The following KLF7 variants were observed in gnomAD, a reference collection of about 807,000 sequenced individuals.
The protein encoded by KLF7 is Krueppel-like factor 7.
A neutral mutation model predicts 27.3 loss-of-function variants in KLF7; 2 were observed. That is an observed-to-expected ratio of 0.07 (90% CI 0.03 to 0.23). The LOEUF (loss-of-function observed/expected upper bound fraction) is 0.23, where lower values mean the gene tolerates loss of function less well. Ranked by LOEUF, KLF7 falls within the 10% of genes least tolerant of loss-of-function variation. KLF7 has a pLI of 1.00. For synonymous variants in KLF7, 165 were observed against 162.4 expected (o/e 1.02, Z -0.12); for missense variants, 221 against 394.1 (o/e 0.56, Z 3.72).
intron 1 of KLF7, among the ~76,000 whole-genome samples, chr2:207,148,670 C>T (rs1393561699): frequency 6.6e-6 from 1 of 152,026 alleles, no homozygotes; most frequent in African/African-American, 2.4e-5. Context: ...AAAGATCTGG[C>T]GACAGGTTCT....
intron 2 of KLF7, among the ~76,000 whole-genome samples, chr2:207,116,142 C>T (rs1448679749): frequency 2.0e-5 from 3 of 152,216 alleles, no homozygotes; most frequent in South Asian, 2.1e-4. Context: ...GTACCGGAGT[C>T]GTGCAGCAGA....
In KLF7 at chr2:207,079,016, G is replaced by A. The variant is rs1431805292; in HGVS notation, c.*2197C>T. On this transcript the variant is annotated 3_prime_UTR_variant, in exon 4 of 4. Coordinates refer to ENST00000309446, the MANE Select transcript of KLF7 (RefSeq NM_003709.4). ...GGACAGATTTTGTGTGTGTGTGCGC[G>A]TGTGTGTTAACGGGTGTTCTTTCTT... 1 of 151,796 alleles carries A rather than the reference G, an allele frequency of 6.6e-6. No homozygotes were observed. Among genetic ancestry groups the A allele is most frequent in the Admixed American group, 6.6e-5 (1 of 15,226 alleles). 9.4% of individuals were successfully genotyped at this position (151,796 alleles called of 1,614,324 possible). A position where few individuals can be genotyped will look rare whatever the true frequency, so the allele number is the denominator to read the frequency against.
intron 1 of KLF7, among the ~76,000 whole-genome samples, chr2:207,154,335 GA>G (rs2078323718): frequency 6.6e-6 from 1 of 152,086 alleles, no homozygotes; most frequent in African/African-American, 2.4e-5. Flanking sequence ...AAAAACATAA[GA>G]TACGTAAGTC....
intron 2 of KLF7, among the ~76,000 whole-genome samples, chr2:207,108,233 A>G (rs2105927387): frequency 6.6e-6 from 1 of 152,368 alleles, no homozygotes; most frequent in Non-Finnish European, 1.5e-5. Context: ...ACATCTAACC[A>G]TGAGAGGGGG....
intron 3 of KLF7, among the ~76,000 whole-genome samples, chr2:207,085,142 A>G (rs1251447233): frequency 6.8e-6 from 1 of 147,676 alleles, no homozygotes; most frequent in Non-Finnish European, 1.5e-5. Context: ...AGCCTGGGCA[A>G]CAAAGCCAGA....
At position 207,078,440 on chromosome 2, in the gene KLF7, A is replaced by G. The variant is rs1310874742; in HGVS notation, c.*2773T>C. ...GACCACAGATGAAAATAGGGAGCAA[A>G]CAAGCAATGATTACTCTTTTGCATT... is the stretch of plus-strand genomic sequence containing the variant. On this transcript the variant is annotated 3_prime_UTR_variant, in exon 4 of 4. Transcript: ENST00000309446. The G allele has an allele frequency of 6.6e-6, 1 of 152,274 alleles. No homozygotes were observed. Among genetic ancestry groups the G allele is most frequent in the African/African-American group, 2.4e-5 (1 of 41,474 alleles). 9.4% of individuals were successfully genotyped at this position (152,274 alleles called of 1,614,324 possible).
intron 2 of KLF7, among the ~76,000 whole-genome samples, chr2:207,099,550 C>CTATATATATATATATA (rs1359258095): frequency 1.1e-3 from 24 of 22,846 alleles, no homozygotes; most frequent in Non-Finnish European, 1.8e-3. Flanking sequence ...GCTACATATG[C>CTATATATATATATATA]GATATATATA....
intron 2 of KLF7, among the ~76,000 whole-genome samples, chr2:207,109,536 C>T (rs1333132134): frequency 6.6e-6 from 1 of 152,100 alleles, no homozygotes; most frequent in African/African-American, 2.4e-5. Flanking sequence ...CTTACCTCAT[C>T]GGTAAGTGAA....
At chr2:207,095,028 A>ATTC (rs2076593457) in intron 2 of KLF7, among the ~76,000 whole-genome samples, 1 of 73,468 alleles carries the variant, frequency 1.4e-5, no homozygotes, top group Non-Finnish European at 3.0e-5. Context: ...ATTTGTTTTT[A>ATTC]TTCTTTTTTT....
chr2:207,163,976 G>A (rs1057439481), intron 1 of KLF7, among the ~76,000 whole-genome samples: 3 of 152,250 alleles, frequency 2.0e-5, no homozygotes, highest in Non-Finnish European at 4.4e-5. Flanking sequence ...CTGTGTATGT[G>A]TTTACAGAGA....
intron 3 of KLF7, among the ~76,000 whole-genome samples, chr2:207,081,662 G>T (rs897155483): frequency 3.9e-5 from 6 of 152,106 alleles, no homozygotes; most frequent in Non-Finnish European, 8.8e-5. Flanking sequence ...AGAAGAATGG[G>T]AAAGTGCTTT....
intron 1 of KLF7, among the ~76,000 whole-genome samples, chr2:207,142,007 A>C (rs1443030865): frequency 6.6e-6 from 1 of 152,002 alleles, no homozygotes; most frequent in Non-Finnish European, 1.5e-5. Flanking sequence ...TGCTCTCAAT[A>C]AGAATCTTGT....
rs540071413 is a variant in KLF7 at position 207,165,818 on chromosome 2, G to A, written c.-250C>T. On this transcript the variant is annotated 5_prime_UTR_variant, in exon 1 of 4. Coordinates refer to ENST00000309446, the MANE Select transcript of KLF7 (RefSeq NM_003709.4). The stretch of plus-strand genomic sequence containing the variant: ...TCCAGCGTGTACAGTGCAGACGACT[G>A]CCAGGAAAAGGGGACTTCTCCACGG... 1.0e-3 allele frequency: 1,372 copies of A among 1,336,946 alleles called. No individual in the cohort carries two copies. Among genetic ancestry groups the A allele is most frequent in the Non-Finnish European group, 1.2e-3 (1,285 of 1,041,494 alleles). The allele number at this position is 1,336,946 out of a possible 1,614,324, so 82.8% of individuals were successfully genotyped here.
intron 1 of KLF7, among the ~76,000 whole-genome samples, chr2:207,147,136 C>T (rs1214212826): frequency 6.6e-6 from 1 of 152,112 alleles, no homozygotes. Flanking sequence ...AAATTTGTTG[C>T]TCCCATTAAA....
intron 2 of KLF7, among the ~76,000 whole-genome samples, chr2:207,119,403 T>C (rs1460489022): frequency 7.5e-6 from 1 of 134,134 alleles, no homozygotes; most frequent in African/African-American, 2.8e-5. Context: ...TCCTTCTTTT[T>C]TTACATAGAA....
upstream of KLF7, among the ~76,000 whole-genome samples, chr2:207,170,900 T>C (rs2078780082): frequency 1.3e-5 from 2 of 151,986 alleles, no homozygotes; most frequent in African/African-American, 4.8e-5. Flanking sequence ...CAACATCCAT[T>C]ATGCAGCCTG....
chr2:207,126,027 G>C (rs2105995655), intron 1 of KLF7, among the ~76,000 whole-genome samples: 1 of 152,264 alleles, frequency 6.6e-6, no homozygotes, highest in East Asian at 1.9e-4. Context: ...TAGTGAAAAA[G>C]TAAGTTTTGA....
At chr2:207,167,988 C>T (rs1227251490), upstream of KLF7, among the ~76,000 whole-genome samples, 3 of 152,056 alleles carry the variant, frequency 2.0e-5, no homozygotes, top group Non-Finnish European at 2.9e-5. Context: ...AGGTAGAAAC[C>T]CCTTGCTAGT....
rs1156772616 is a variant in KLF7 at position 207,100,690 on chromosome 2, TCTC to T, written c.734-12112_734-12110del. ...ACATGTCACCCCATCCGCAAGGATT[TCTC>T]CTCCTCAGAAAACTATACCCTTATC... On this transcript the variant is annotated intron_variant, in intron 2 of 3. Transcript: ENST00000309446. Among the ~76,000 whole-genome samples the T allele has an allele frequency of 2.6e-5, 4 of 152,350 alleles. No homozygotes were observed. The East Asian group carries it at 7.7e-4, about 29-fold the overall frequency.
Sources: gnomAD v4.1 joint callset for allele counts (sites outside exome capture counted in the v4.1 genomes callset) on GRCh38, gnomAD v4.1.1 for gene constraint, MANE v1.5 for transcripts, NCBI Gene and HGNC (gene_info 2026-07-23, HGNC 2026-07-21) for gene names.